Variants in PSMB2 observed in about 807,000 individuals in gnomAD.
PSMB2 encodes proteasome 20S subunit beta 2.
In PSMB2, 13 loss-of-function variants were observed where a neutral mutation model predicts 25.7. The ratio of observed to expected loss-of-function variants is 0.51; its 90% confidence interval spans 0.33 to 0.80. The LOEUF is 0.80. Among genes scored for constraint, PSMB2 ranks in the 30% least tolerant of loss-of-function variants. The pLI is 0.02. For missense variants in PSMB2, 202 were observed against 259.0 expected, an observed-to-expected ratio of 0.78 and a Z score of 1.51; for synonymous variants, 87 against 96.2, an observed-to-expected ratio of 0.90 and a Z score of 0.56.
Position 35,641,505 on chromosome 1 carries a change from A to G in PSMB2, c.-73T>C. The G allele has an allele frequency of 5.0e-6, 8 of 1,601,026 alleles. No homozygotes were observed. Among genetic ancestry groups the G allele is most frequent in the Non-Finnish European group, 6.0e-6 (7 of 1,172,976 alleles). On this transcript the variant is annotated 5_prime_UTR_variant, in exon 1 of 6. Coordinates refer to ENST00000373237, the MANE Select transcript of PSMB2 (RefSeq NM_002794.5). ...CCCGCTTCCAGGTCTCACCGGTGAG[A>G]CAGCACCTCAGAGCGAAGATTGGCG... is the stretch of plus-strand genomic sequence containing the variant.
intron 3 of PSMB2, among the ~76,000 whole-genome samples, chr1:35,619,811 T>C (rs375472757): frequency 2.1e-4 from 32 of 152,356 alleles, no homozygotes; most frequent in African/African-American, 7.7e-4. Context: ...TGCCTTATTA[T>C]ACCAAATAGT....
At chr1:35,612,671 TAC>T (rs1489370485) in intron 3 of PSMB2, among the ~76,000 whole-genome samples, 5 of 152,292 alleles carry the variant, frequency 3.3e-5, no homozygotes, top group African/African-American at 9.6e-5. Flanking sequence ...GAATTAATAA[TAC>T]AGTCTTTTAC....
chr1:35,619,609 A>G (rs928648422), intron 3 of PSMB2, among the ~76,000 whole-genome samples: 4 of 152,228 alleles, frequency 2.6e-5, no homozygotes, highest in African/African-American at 9.6e-5. Flanking sequence ...AAAAATTTAA[A>G]TATTGTGTAT....
intron 3 of PSMB2, among the ~76,000 whole-genome samples, chr1:35,628,590 AAAAAAAATATATAT>A (rs1245096247): frequency 8.4e-4 from 14 of 16,570 alleles, no homozygotes; most frequent in Non-Finnish European, 1.3e-3. Context: ...AAAAAAAAAA[AAAAAAAATATATAT>A]ATATATATAT....
At chr1:35,614,522 C>A (rs759634251) in intron 3 of PSMB2, among the ~76,000 whole-genome samples, 5 of 152,190 alleles carry the variant, frequency 3.3e-5, no homozygotes, top group African/African-American at 1.2e-4. Flanking sequence ...AGTAGTAAGA[C>A]AAAGTTTTGA....
intron 2 of PSMB2, among the ~76,000 whole-genome samples, chr1:35,634,102 AG>A (rs1158826903): frequency 6.6e-6 from 1 of 152,204 alleles, no homozygotes; most frequent in Admixed American, 6.5e-5. Flanking sequence ...AGCCCCAGAG[AG>A]AGCTCACAAA....
chr1:35,602,931 G>T lies in PSMB2; in HGVS notation c.*336C>A. ...AAGAACCACTACTTTAGAGAGAATG[G>T]AGATACTAGCAAGTAAAATATATGA... On this transcript the variant is annotated 3_prime_UTR_variant, in exon 6 of 6. Transcript: ENST00000373237. 9.7e-7 allele frequency: 1 copy of T among 1,030,050 alleles called. No homozygotes were observed. Among genetic ancestry groups the T allele is most frequent in the Middle Eastern group, 4.8e-4 (1 of 2,068 alleles). 63.8% of individuals were successfully genotyped at this position (1,030,050 alleles called of 1,614,324 possible).
chr1:35,610,068 A>G (rs1472519836), intron 3 of PSMB2, among the ~76,000 whole-genome samples: 2 of 152,232 alleles, frequency 1.3e-5, no homozygotes, highest in Non-Finnish European at 2.9e-5. Flanking sequence ...TGCTCCAACC[A>G]CATCAAATGA....
chr1:35,627,914 A>G (rs1033985667), intron 3 of PSMB2, among the ~76,000 whole-genome samples: 1 of 152,206 alleles, frequency 6.6e-6, no homozygotes, highest in Non-Finnish European at 1.5e-5. Flanking sequence ...CCAAACCACC[A>G]CACATACACA....
intron 4 of PSMB2, among the ~76,000 whole-genome samples, chr1:35,607,971 T>G (rs1435040920): frequency 6.6e-6 from 1 of 152,236 alleles, no homozygotes; most frequent in African/African-American, 2.4e-5. Flanking sequence ...CTCACTCATA[T>G]GTAGAAGCTA....
chr1:35,635,172 T>C (rs191450854), intron 2 of PSMB2, among the ~76,000 whole-genome samples: 7 of 151,868 alleles, frequency 4.6e-5, no homozygotes, highest in Admixed American at 1.3e-4. Context: ...GGCAGGAGGA[T>C]TGCTTGAACC....
At chr1:35,607,667 C>T (rs1650207859) in intron 4 of PSMB2, among the ~76,000 whole-genome samples, 1 of 152,160 alleles carries the variant, frequency 6.6e-6, no homozygotes, top group South Asian at 2.1e-4. Context: ...CTGGCAATCC[C>T]ACTACTGGGA....
At chr1:35,618,368 G>A (rs2148568446) in intron 3 of PSMB2, among the ~76,000 whole-genome samples, 1 of 152,248 alleles carries the variant, frequency 6.6e-6, no homozygotes, top group East Asian at 1.9e-4. Flanking sequence ...GTATAACCCA[G>A]GTCATGAGAC....
chr1:35,636,592 A>G (rs77462712), intron 1 of PSMB2, among the ~76,000 whole-genome samples, 160 bp from the exon 2 acceptor site: 3,482 of 106,870 alleles, frequency 0.033, 153 homozygotes, highest in African/African-American at 0.17. Flanking sequence ...AATTATTCAG[A>G]AAAAAAAAAA....
chr1:35,605,994 A>G (rs1650156545), intron 4 of PSMB2, among the ~76,000 whole-genome samples: 1 of 152,206 alleles, frequency 6.6e-6, no homozygotes, highest in African/African-American at 2.4e-5. Flanking sequence ...CAGCACCAAA[A>G]AAGAATGAAC....
intron 3 of PSMB2, among the ~76,000 whole-genome samples, chr1:35,629,255 C>A (rs1244253929): frequency 6.6e-6 from 1 of 152,198 alleles, no homozygotes; most frequent in Non-Finnish European, 1.5e-5. Flanking sequence ...GATAAGTAAA[C>A]AGGCACAGGG....
intron 1 of PSMB2, among the ~76,000 whole-genome samples, chr1:35,639,003 C>T (rs1651321307): frequency 6.6e-6 from 1 of 152,112 alleles, no homozygotes; most frequent in South Asian, 2.1e-4. Flanking sequence ...CCTGTAATCC[C>T]AGCACTTTGG....
intron 3 of PSMB2, among the ~76,000 whole-genome samples, chr1:35,610,599 G>A (rs1485903529): frequency 1.3e-5 from 2 of 152,066 alleles, no homozygotes; most frequent in South Asian, 4.1e-4. Flanking sequence ...AGGTTCAAGC[G>A]ATTCTCCTGC....
chr1:35,607,856 C>G (rs1650212908), intron 4 of PSMB2, among the ~76,000 whole-genome samples: 1 of 152,162 alleles, frequency 6.6e-6, no homozygotes, highest in African/African-American at 2.4e-5. Context: ...CCATGAAATA[C>G]TATTCATCCA....
Sources: gnomAD v4.1 joint callset for allele counts (sites outside exome capture counted in the v4.1 genomes callset) on GRCh38, gnomAD v4.1.1 for gene constraint, MANE v1.5 for transcripts, NCBI Gene and HGNC (gene_info 2026-07-23, HGNC 2026-07-21) for gene names.